TMEM116: variants seen among roughly 807,000 people sequenced by gnomAD.
TMEM116 encodes transmembrane protein 116.
A neutral mutation model predicts 44.3 loss-of-function variants in TMEM116; 38 were observed. The observed-to-expected ratio is 0.86, with a 90% confidence interval of 0.66 to 1.12. The LOEUF (loss-of-function observed/expected upper bound fraction) is 1.12. Ranked by LOEUF, TMEM116 falls within the 50% of genes most tolerant of loss-of-function variation. The pLI is 0.00. For missense variants in TMEM116, 354 were observed against 401.7 expected (o/e 0.88, Z 1.01); for synonymous variants, 132 against 144.8 (o/e 0.91, Z 0.64).
chr12:111,993,048 C>T (rs1565953423), intron 3 of TMEM116: 1 of 176,330 alleles, frequency 5.7e-6, no homozygotes. Context: ...GCCACACCTG[C>T]AGCTGGTGGA....
chr12:111,959,418 C>T (rs2074409930), intron 4 of TMEM116, among the ~76,000 whole-genome samples: 1 of 152,290 alleles, frequency 6.6e-6, no homozygotes, highest in African/African-American at 2.4e-5. Flanking sequence ...ACCATCGACA[C>T]TACGAAGAAA....
chr12:111,945,727 G>A (rs1489642117), intron 4 of TMEM116, among the ~76,000 whole-genome samples: 1 of 152,142 alleles, frequency 6.6e-6, no homozygotes, highest in Admixed American at 6.5e-5. Flanking sequence ...TGATAGGGAA[G>A]ACAAATGAGA....
At chr12:111,997,625 C>A (rs574302562) in intron 3 of TMEM116, among the ~76,000 whole-genome samples, 2 of 152,172 alleles carry the variant, frequency 1.3e-5, no homozygotes, top group East Asian at 3.9e-4. Context: ...GAGAACTAAT[C>A]TCCCCACATG....
chr12:111,937,046 T>A, intron 7 of TMEM116, 114 bp downstream of exon 7: 3 of 1,101,598 alleles, frequency 2.7e-6, no homozygotes, highest in Non-Finnish European at 4.0e-6. Flanking sequence ...CCTTAGCCCA[T>A]TTCTAATATT....
chr12:111,980,501 T>C (rs2075880751), intron 4 of TMEM116, among the ~76,000 whole-genome samples: 1 of 152,140 alleles, frequency 6.6e-6, no homozygotes, highest in Admixed American at 6.5e-5. Context: ...CACATGACAG[T>C]ATGAATTTAT....
At chr12:111,946,456 G>C (rs921034159) in intron 4 of TMEM116, among the ~76,000 whole-genome samples, 2 of 152,234 alleles carry the variant, frequency 1.3e-5, no homozygotes, top group African/African-American at 4.8e-5. Context: ...CAAAGAGATG[G>C]GCTCTGGCTA....
At chr12:111,986,514 T>C (rs1385541667) in intron 4 of TMEM116, among the ~76,000 whole-genome samples, 6 of 150,626 alleles carry the variant, frequency 4.0e-5, no homozygotes, top group African/African-American at 7.3e-5. Flanking sequence ...AAGGACATTC[T>C]TTTCAACAAA....
chr12:112,006,685 T>A (rs1457125094), intron 1 of TMEM116, among the ~76,000 whole-genome samples: 3 of 152,176 alleles, frequency 2.0e-5, no homozygotes, highest in Non-Finnish European at 4.4e-5. Context: ...TTCAAATGAT[T>A]TGCGCACAGC....
chr12:111,973,565 A>G (rs920097857), intron 4 of TMEM116, among the ~76,000 whole-genome samples: 2 of 152,250 alleles, frequency 1.3e-5, no homozygotes, highest in African/African-American at 4.8e-5. Context: ...AAATGCTTAT[A>G]TTAGAAATAT....
At chr12:111,974,793 G>C in intron 4 of TMEM116, among the ~76,000 whole-genome samples, 1 of 151,948 alleles carries the variant, frequency 6.6e-6, no homozygotes, top group East Asian at 1.9e-4. Context: ...TCAAACTAAT[G>C]AATGACTTTA....
chr12:111,939,156 A>T (rs941257549), intron 5 of TMEM116, among the ~76,000 whole-genome samples: 2 of 152,100 alleles, frequency 1.3e-5, no homozygotes, highest in Non-Finnish European at 2.9e-5. Context: ...TGAATCTCTG[A>T]TAAAAAGCTT....
chr12:111,985,208 G>A (rs1290630370), intron 4 of TMEM116, among the ~76,000 whole-genome samples: 6 of 151,956 alleles, frequency 3.9e-5, no homozygotes, highest in Non-Finnish European at 7.4e-5. Context: ...TAATGAAATC[G>A]AAAAGGAAGA....
At chr12:111,997,348 G>A (rs1483326144) in intron 3 of TMEM116, among the ~76,000 whole-genome samples, 2 of 152,136 alleles carry the variant, frequency 1.3e-5, no homozygotes, top group African/African-American at 4.8e-5. Flanking sequence ...GAAGCCAGGA[G>A]TTCCAGGCCA....
intron 4 of TMEM116, 68 bp downstream of exon 4, chr12:111,991,690 T>A (rs1466877479): frequency 1.4e-6 from 2 of 1,460,262 alleles, no homozygotes; most frequent in Admixed American, 4.4e-5. Context: ...AGGTGAATCA[T>A]CTTTGTTTCT....
chr12:111,957,390 G>A (rs866551278), intron 4 of TMEM116, among the ~76,000 whole-genome samples: 6 of 149,580 alleles, frequency 4.0e-5, no homozygotes, highest in African/African-American at 1.2e-4. Flanking sequence ...CCCTCCGCCC[G>A]GCAGCCGCCC....
chr12:111,932,263 C>A (rs1483439034), intron 10 of TMEM116, among the ~76,000 whole-genome samples: 28 of 152,110 alleles, frequency 1.8e-4, no homozygotes, highest in Non-Finnish European at 4.4e-5. Context: ...GGGAGAGAAC[C>A]ATGTCACTAT....
At chr12:111,957,594 C>G (rs557896792) in intron 4 of TMEM116, among the ~76,000 whole-genome samples, 1 of 150,472 alleles carries the variant, frequency 6.6e-6, no homozygotes, top group Non-Finnish European at 1.5e-5. Context: ...AGCCCCCGCC[C>G]GGCCAGCCGC....
intron 4 of TMEM116, among the ~76,000 whole-genome samples, chr12:111,974,542 C>CA (rs1263475035): frequency 1.3e-5 from 2 of 151,696 alleles, no homozygotes; most frequent in Non-Finnish European, 2.9e-5. Flanking sequence ...CCTATAATCC[C>CA]ACCTACTAGG....
chr12:111,936,989 G>A (rs1242780368), intron 7 of TMEM116, among the ~76,000 whole-genome samples, 159 bp from the exon 8 acceptor site: 1 of 152,098 alleles, frequency 6.6e-6, no homozygotes, highest in African/African-American at 2.4e-5. Context: ...TAGTCATTTT[G>A]TGTTACACTT....
Sources: allele counts gnomAD v4.1 joint callset (sites outside exome capture counted in the v4.1 genomes callset), GRCh38; gene constraint gnomAD v4.1.1; transcripts MANE v1.5; gene names NCBI Gene and HGNC (gene_info 2026-07-23, HGNC 2026-07-21).